Variants in ABCC11 observed in about 807,000 individuals in gnomAD.
The protein encoded by ABCC11 is ATP-binding cassette sub-family C member 11.
ABCC11 carries 135 observed loss-of-function variants against 149.3 expected under a neutral mutation model. That is an observed-to-expected ratio of 0.90 (90% CI 0.79 to 1.04). The LOEUF (loss-of-function observed/expected upper bound fraction) is 1.04, where lower values mean the gene tolerates loss of function less well. ABCC11 is among the 50% of genes least tolerant of loss of function. ABCC11 has a pLI of 0.00. For missense variants in ABCC11, 1,680 were observed against 1,722.1 expected, an observed-to-expected ratio of 0.98 and a Z score of 0.43; for synonymous variants, 665 against 671.4, an observed-to-expected ratio of 0.99 and a Z score of 0.15.
At chr16:48,211,311 TA>T (rs1423310339) in intron 10 of ABCC11, 112 bp from the exon 11 acceptor site, 1 of 1,362,240 alleles carries the variant, frequency 7.3e-7, no homozygotes, top group African/African-American at 1.4e-5. Context: ...GAATTTCTAA[TA>T]AGCAGTAAAA....
chr16:48,200,536 TCAAA>T, intron 14 of ABCC11, 57 bp from the exon 15 acceptor site: 2 of 1,564,478 alleles, frequency 1.3e-6, no homozygotes, highest in Non-Finnish European at 1.7e-6. Context: ...CCAGGTGTGC[TCAAA>T]TGGGTAGGCA....
intron 3 of ABCC11, among the ~76,000 whole-genome samples, chr16:48,228,578 C>G (rs886666891): frequency 9.9e-5 from 15 of 151,382 alleles, no homozygotes; most frequent in Middle Eastern, 3.4e-3. Flanking sequence ...GCCTGGGAGA[C>G]AGCGCACGAC....
chr16:48,226,137 C>A (rs753882704), intron 4 of ABCC11, among the ~76,000 whole-genome samples: 1 of 151,440 alleles, frequency 6.6e-6, no homozygotes, highest in Non-Finnish European at 1.5e-5. Context: ...AGTGCAGTGG[C>A]GCAATCTTGG....
At position 48,178,712 on chromosome 16, in the gene ABCC11, G is replaced by C. The variant is rs75119945; in HGVS notation, c.3259-26C>G. On this transcript the variant is annotated intron_variant, in intron 23 of 29. Coordinates refer to ENST00000356608, the MANE Select transcript of ABCC11 (RefSeq NM_001370497.1). ...CTAGAAGGAAGGAGAAGTATCGGGG[G>C]TCAAGAGGCTGCTGGGGTGTGCTCA... is the stretch of plus-strand genomic sequence containing the variant. 8.3e-4 allele frequency: 1,327 copies of C among 1,606,230 alleles called. 7 individuals are homozygous for C. In the African/African-American group the frequency reaches 0.016, roughly 19 times the overall value.
chr16:48,192,793 G>A (rs1967045270), intron 19 of ABCC11, 76 bp from the exon 20 acceptor site: 1 of 1,426,524 alleles, frequency 7.0e-7, no homozygotes, highest in Non-Finnish European at 9.8e-7. Context: ...TCTCCCTGGG[G>A]CCACGTGAGA....
rs1969922405 is a variant in ABCC11 at position 48,224,142 on chromosome 16, A to G, written c.543+140T>C. 3 of 1,182,766 alleles carry G rather than the reference A, an allele frequency of 2.5e-6. No individual in the cohort carries two copies. In the East Asian group the frequency reaches 7.4e-5, roughly 29 times the overall value. 73.3% of individuals were successfully genotyped at this position (1,182,766 alleles called of 1,614,324 possible). Reference sequence around the variant, plus strand: ...CTAACCACCATGCTCTACTGTCCTCAAAAGGTCTTCATTTTCTAGACAGCA... The same window carrying G: ...CTAACCACCATGCTCTACTGTCCTCGAAAGGTCTTCATTTTCTAGACAGCA... On this transcript the variant is annotated intron_variant, in intron 5 of 29. Transcript: ENST00000356608.
At chr16:48,194,089 G>A in intron 18 of ABCC11, 107 bp from the exon 19 acceptor site, 1 of 768,710 alleles carries the variant, frequency 1.3e-6, no homozygotes, top group East Asian at 2.7e-5. Flanking sequence ...AAACCCTTGA[G>A]CCCCACCCAA....
At position 48,222,725 on chromosome 16, in the gene ABCC11, G is replaced by A; in HGVS notation, c.650C>T (p.Ser217Phe). ...FALFLSECVK[S>F]LSFSSSWIIN... The stretch of plus-strand genomic sequence containing the variant: ...GATCCAACTGGAGGAGAAACTCAGA[G>A]ACTTCACACATTCGGAGAGAAAAAG... The change falls in exon 6 of 30, where the codon TCT (serine) becomes TTT (phenylalanine). Residue 217 changes from serine to phenylalanine, a missense_variant. Ser to Phe is a radical substitution (Grantham distance 155, BLOSUM62 -2). Transcript: ENST00000356608. 4 of 1,614,234 alleles carry A rather than the reference G, an allele frequency of 2.5e-6. No homozygotes were observed. Among genetic ancestry groups the A allele is most frequent in the South Asian group, 1.1e-5 (1 of 91,090 alleles).
intron 26 of ABCC11, among the ~76,000 whole-genome samples, chr16:48,172,427 C>CT (rs566472502): frequency 0.029 from 3,954 of 137,448 alleles, 124 homozygotes; most frequent in African/African-American, 0.083. Flanking sequence ...CTATGTTTAA[C>CT]TTTTTTTTTT....
intron 6 of ABCC11, among the ~76,000 whole-genome samples, chr16:48,220,807 A>T (rs1246393984): frequency 6.6e-6 from 1 of 152,330 alleles, no homozygotes; most frequent in East Asian, 1.9e-4. Flanking sequence ...ATAATTCAGC[A>T]GATGTTTTTG....
chr16:48,244,436 GCT>G, intron 1 of ABCC11: 1 of 1,593,586 alleles, frequency 6.3e-7, no homozygotes, highest in Non-Finnish European at 8.5e-7. Context: ...TCCCGCTGCT[GCT>G]CACCCACGAG....
chr16:48,194,220 C>G (rs1967185152), intron 18 of ABCC11, among the ~76,000 whole-genome samples: 1 of 152,202 alleles, frequency 6.6e-6, no homozygotes, highest in South Asian at 2.1e-4. Context: ...ATGTCAGCAA[C>G]ATACCACTTC....
At chr16:48,188,326 G>C (rs1446865674) in intron 20 of ABCC11, among the ~76,000 whole-genome samples, 2 of 152,168 alleles carry the variant, frequency 1.3e-5, no homozygotes, top group African/African-American at 2.4e-5. Context: ...CTAAGCCCCA[G>C]TCTGGGGTTT....
At chr16:48,175,679 T>A in intron 25 of ABCC11, among the ~76,000 whole-genome samples, 1 of 152,350 alleles carries the variant, frequency 6.6e-6, no homozygotes, top group Admixed American at 6.5e-5. Context: ...TTGTTTCATA[T>A]ACACAATGTT....
At chr16:48,237,852 C>A (rs999453122) in intron 1 of ABCC11, among the ~76,000 whole-genome samples, 1 of 152,216 alleles carries the variant, frequency 6.6e-6, no homozygotes, top group Non-Finnish European at 1.5e-5. Flanking sequence ...GCCCCCACCC[C>A]CTAATCTTTG....
Position 48,177,006 on chromosome 16 carries a change from G to A in ABCC11, c.3456C>T (p.Asp1152=). Residue 1152 remains aspartate, a synonymous_variant, in exon 25 of 30, where the codon GAC becomes GAT. Coordinates refer to ENST00000356608, the MANE Select transcript of ABCC11 (RefSeq NM_001370497.1). ...TGCCGTGAAGCACGGTGGGTGTGTT[G>A]TCTCTGTATTTCATGTGATAATCCT... ...IFQDYHMKYR[D]NTPTVLHGIN... is the part of the protein sequence containing the mutation. The A allele has an allele frequency of 6.2e-7, 1 of 1,614,198 alleles. No individual in the cohort carries two copies. Among genetic ancestry groups the A allele is most frequent in the South Asian group, 1.1e-5 (1 of 91,084 alleles).
At chr16:48,224,487 C>T in intron 4 of ABCC11, 58 bp from the exon 5 acceptor site, 1 of 1,570,432 alleles carries the variant, frequency 6.4e-7, no homozygotes, top group East Asian at 2.2e-5. Context: ...TCCAAACATC[C>T]TAGTTCTTGC....
rs1373550662 is a variant in ABCC11 at position 48,167,327 on chromosome 16, G to C, written c.4096C>G (p.Pro1366Ala). 9.8e-7 allele frequency: 1 copy of C among 1,017,866 alleles called. No homozygotes were observed. Among genetic ancestry groups the C allele is most frequent in the Non-Finnish European group, 1.6e-6 (1 of 635,126 alleles). 63.1% of individuals were successfully genotyped at this position (1,017,866 alleles called of 1,614,324 possible). A position where few individuals can be genotyped will look rare whatever the true frequency, so the allele number is the denominator to read the frequency against. Residue 1366 changes from proline (P) to alanine (A), a missense_variant, in exon 30 of 30, where the codon CCT becomes GCT. Physicochemically the swap from Pro to Ala is conservative, Grantham distance 27. Transcript: ENST00000356608. The stretch of plus-strand genomic sequence containing the variant: ...ATGAGGGCTGCGAACAATGACCCAG[G>C]CTTCTTCCGCAGTACCTCCGGCCGA... ...FDRPEVLRKK[P>A]GSLFAALMAT...
rs548707998 is a variant in ABCC11, at chr16:48,211,160, T to C, written c.1396A>G (p.Thr466Ala). ...LQESPVFYVQ[T>A]LQDPSKALVF... ...AGAGCTTTGCTGGGGTCTTGTAATG[T>C]CTGGACATAGAAAACAGGGCTCTCC... Residue 466 changes from threonine to alanine, a missense_variant, in exon 11 of 30, where the codon ACA becomes GCA. Physicochemically the swap from Thr to Ala is moderately conservative, Grantham distance 58. Coordinates refer to ENST00000356608, the MANE Select transcript of ABCC11 (RefSeq NM_001370497.1). 71 of 1,614,136 alleles carry C rather than the reference T, an allele frequency of 4.4e-5. 1 individual carries two copies. In the East Asian group the frequency reaches 1.4e-3, roughly 32 times the overall value.
Sources: gnomAD v4.1 joint callset for allele counts (sites outside exome capture counted in the v4.1 genomes callset) on GRCh38, gnomAD v4.1.1 for gene constraint, MANE v1.5 for transcripts, NCBI Gene and HGNC (gene_info 2026-07-23, HGNC 2026-07-21) for gene names.